Variants in VNN2 observed in about 807,000 individuals in gnomAD.
VNN2 encodes pantetheine hydrolase VNN2.
Under a neutral mutation model 43.0 loss-of-function variants are expected in VNN2, and 43 were observed. That is an observed-to-expected ratio of 1.00 (90% CI 0.78 to 1.29). The LOEUF (loss-of-function observed/expected upper bound fraction) is 1.29. Ranked by LOEUF, VNN2 falls within the 50% of genes most tolerant of loss-of-function variation. VNN2 has a pLI of 0.00. For synonymous variants in VNN2, 230 were observed against 224.3 expected, an observed-to-expected ratio of 1.03 and a Z score of -0.23; for missense variants, 652 against 619.7, an observed-to-expected ratio of 1.05 and a Z score of -0.55.
chr6:132,752,645 T>C lies in VNN2; in HGVS notation c.642A>G (p.Ile214Met), dbSNP rs1482117691. ...GGGTAACACCAGGATCATAGAAGAA[T>C]ATATCAAAGCACGTGAAAATGCCAA... ...GRFGIFTCFD[I>M]FFYDPGVTLV... The change falls in exon 4 of 7, where the codon ATA becomes ATG. Residue 214 changes from isoleucine (I) to methionine (M), a missense_variant. By Grantham distance (10) the Ile-to-Met change is conservative (BLOSUM62 1). Coordinates refer to ENST00000326499, the MANE Select transcript of VNN2 (RefSeq NM_004665.6). 4 of 1,614,060 alleles carry C rather than the reference T, an allele frequency of 2.5e-6. No homozygotes were observed. The highest frequency in any genetic ancestry group is 3.4e-6 in the Non-Finnish European group (4 of 1,180,030).
In VNN2 at chr6:132,749,709, G is replaced by A. The variant is rs1165885076; in HGVS notation, c.1357C>T (p.Pro453Ser). The change falls in exon 6 of 7, where the codon CCT (proline) becomes TCT (serine). Residue 453 changes from proline (P) to serine (S), a missense_variant. Physicochemically the swap from Pro to Ser is moderately conservative, Grantham distance 74. Coordinates refer to ENST00000326499, the MANE Select transcript of VNN2 (RefSeq NM_004665.6). ...AGTCCTCTTACCTCAAATTTTCCAGGTGACAGATGAATTTCGGTAAGTAGC... is the reference window on the plus strand; with the variant it reads ...AGTCCTCTTACCTCAAATTTTCCAGATGACAGATGAATTTCGGTAAGTAGC... ...EVLLTEIHLSPGKFEVLKDGR... is the reference protein window; with the variant it reads ...EVLLTEIHLSSGKFEVLKDGR... The A allele has an allele frequency of 1.9e-6, 3 of 1,611,500 alleles. No homozygotes were observed. The African/African-American group carries it at 4.0e-5, about 22-fold the overall frequency.
intron 6 of VNN2, among the ~76,000 whole-genome samples, chr6:132,745,035 A>G (rs1779636892): frequency 6.6e-6 from 1 of 152,218 alleles, no homozygotes; most frequent in Non-Finnish European, 1.5e-5. Context: ...GGAAGTGGAC[A>G]TTGAACCAGC....
chr6:132,750,493 A>AAG (rs1554217675), intron 5 of VNN2, among the ~76,000 whole-genome samples: 2 of 103,798 alleles, frequency 1.9e-5, no homozygotes, highest in African/African-American at 1.2e-4. Context: ...TATTTTGTAT[A>AAG]TGTGTATATA....
In VNN2 at chr6:132,757,811, T is replaced by C. The variant is rs758394626; in HGVS notation, c.73A>G (p.Ser25Gly). Residue 25 changes from serine (S) to glycine (G), a missense_variant, in exon 1 of 7, where the codon AGT (serine) becomes GGT (glycine). By Grantham distance (56) the Ser-to-Gly change is moderately conservative (BLOSUM62 0). Transcript: ENST00000326499. ...TGTTCATACACTGCAGCTATAAAAC[T>C]GTCCTGAGTACCAACCTGCAGGGTT... ...LITLQVGTQDSFIAAVYEHAV... is the reference protein window; with the variant it reads ...LITLQVGTQDGFIAAVYEHAV... 6.2e-7 allele frequency: 1 copy of C among 1,614,164 alleles called. No individual in the cohort carries two copies. The highest frequency in any genetic ancestry group is 1.1e-5 in the South Asian group (1 of 91,084).
chr6:132,754,945 G>GGGA (rs1413142386), intron 3 of VNN2, among the ~76,000 whole-genome samples: 7 of 152,298 alleles, frequency 4.6e-5, no homozygotes, highest in Admixed American at 3.9e-4. Flanking sequence ...AGGCCAAGGT[G>GGGA]GGAGGACTGC....
intron 6 of VNN2, among the ~76,000 whole-genome samples, chr6:132,748,410 T>C (rs1269937085): frequency 2.6e-5 from 4 of 152,238 alleles, no homozygotes; most frequent in Non-Finnish European, 4.4e-5. Context: ...AAATTGTTGG[T>C]TTCATAGAAT....
upstream of VNN2, among the ~76,000 whole-genome samples, chr6:132,758,853 C>T (rs34767398): frequency 4.4e-3 from 667 of 152,268 alleles, 15 homozygotes; most frequent in Admixed American, 0.034. Context: ...TACCCCGAGG[C>T]ACCTAGGCCA....
upstream of VNN2, among the ~76,000 whole-genome samples, chr6:132,761,167 G>T (rs1330009187): frequency 2.0e-5 from 3 of 152,242 alleles, no homozygotes; most frequent in African/African-American, 7.2e-5. Flanking sequence ...ATCAGGTAAA[G>T]ATTAAAATTT....
chr6:132,758,017 T>C, upstream of VNN2: 2 of 222,976 alleles, frequency 9.0e-6, 1 homozygote, highest in East Asian at 1.1e-4. Flanking sequence ...TTCTTCTTCT[T>C]CTTCTTCTTC....
rs1344658646 is a variant in VNN2 at position 132,749,742 on chromosome 6, GA to G, written c.1323del (p.Pro442LeufsTer18). ...LSGTFGTEYV[F>X]PEVLLTEIHL... ...TGAATTTCGGTAAGTAGCACTTCAG[GA>G]AAAACATACTCTGTTCCAAATGTGC... On this transcript the variant is annotated frameshift_variant, in exon 6 of 7. Coordinates refer to ENST00000326499, the MANE Select transcript of VNN2 (RefSeq NM_004665.6). LOFTEE classifies it low-confidence loss of function (END_TRUNC). The G allele has an allele frequency of 6.2e-7, 1 of 1,613,580 alleles. No individual in the cohort carries two copies. Among genetic ancestry groups the G allele is most frequent in the African/African-American group, 1.3e-5 (1 of 74,872 alleles).
intron 3 of VNN2, chr6:132,753,009 C>CA (rs1228852814): frequency 1.0e-5 from 4 of 394,820 alleles, no homozygotes; most frequent in Non-Finnish European, 1.8e-5. Flanking sequence ...AAATACCCCC[C>CA]CATAAACCCC....
rs555715087 is a variant in VNN2 at position 132,744,727 on chromosome 6, C to CA, written c.1372-237dup. ...TCAAATGTAACCATTAATGGAAAGT[C>CA]AAAATCAGCAGCAGCAATTCATTGA... On this transcript the variant is annotated intron_variant, in intron 6 of 6. Transcript: ENST00000326499. 1.3e-4 allele frequency among the ~76,000 whole-genome samples: 20 copies of CA among 152,244 alleles called. No homozygotes were observed. The East Asian group carries it at 3.9e-3, about 29-fold the overall frequency.
At chr6:132,759,538 A>G (rs1164932709), upstream of VNN2, among the ~76,000 whole-genome samples, 2 of 151,762 alleles carry the variant, frequency 1.3e-5, no homozygotes, top group African/African-American at 4.8e-5. Flanking sequence ...CCCAGGCCCA[A>G]TCCTGCCAAA....
chr6:132,750,497 G>GTGTATGTATATATGTGTGTATATATATA lies in VNN2; in HGVS notation c.1201-633_1201-632insTATATATATACACACATATATACATACA. On this transcript the variant is annotated intron_variant, in intron 5 of 6. Transcript: ENST00000326499. ...TCTACTAAAAATATTTTGTATATGT[G>GTGTATGTATATATGTGTGTATATATATA]TATATATATATATATATTTTTCCAG... Among the ~76,000 whole-genome samples the GTGTATGTATATATGTGTGTATATATATA allele has an allele frequency of 8.7e-5, 9 of 103,678 alleles. 1 individual carries two copies. Among genetic ancestry groups the GTGTATGTATATATGTGTGTATATATATA allele is most frequent in the Non-Finnish European group, 1.6e-4 (8 of 49,904 alleles). The allele number at this position is 103,678 out of a possible 152,430, so 68.0% of individuals were successfully genotyped here. A position where few individuals can be genotyped will look rare whatever the true frequency, so the allele number is the denominator to read the frequency against.
At position 132,749,952 on chromosome 6, in the gene VNN2, G is replaced by A. The variant is rs776320845; in HGVS notation, c.1201-87C>T. On this transcript the variant is annotated intron_variant, in intron 5 of 6. Transcript: ENST00000326499. ...TGTTGCCTTAGTTTTTAACTACAGC[G>A]AAGCAAACATTATCTTTCTCTGAAA... The A allele has an allele frequency of 2.7e-5, 33 of 1,229,002 alleles. 1 individual carries two copies. The highest frequency in any genetic ancestry group is 3.9e-4 in the Middle Eastern group (2 of 5,096). The allele number at this position is 1,229,002 out of a possible 1,614,324, so 76.1% of individuals were successfully genotyped here.
chr6:132,744,120 CA>C lies in VNN2; in HGVS notation c.*179del, dbSNP rs1352180775. ...CCACACTGCAACATTTCAGAGTAGCCAAAAAAATGGACAACATTATCATAAT... is the reference window on the plus strand; with the variant it reads ...CCACACTGCAACATTTCAGAGTAGCCAAAAAATGGACAACATTATCATAAT... On this transcript the variant is annotated 3_prime_UTR_variant, in exon 7 of 7. Coordinates refer to ENST00000326499, the MANE Select transcript of VNN2 (RefSeq NM_004665.6). The C allele has an allele frequency of 3.5e-5, 18 of 518,046 alleles. No individual in the cohort carries two copies. The highest frequency in any genetic ancestry group is 6.9e-5 in the South Asian group (2 of 28,910). The allele number at this position is 518,046 out of a possible 1,614,324, so 32.1% of individuals were successfully genotyped here. A position where few individuals can be genotyped will look rare whatever the true frequency, so the allele number is the denominator to read the frequency against.
chr6:132,751,575 T>G (rs1029452584), intron 4 of VNN2, 57 bp from the exon 5 acceptor site: 2 of 1,542,550 alleles, frequency 1.3e-6, no homozygotes, highest in African/African-American at 2.8e-5. Flanking sequence ...AAACCAAAAC[T>G]GCCAATTTCC....
chr6:132,751,338 G>C lies in VNN2; in HGVS notation c.1007C>G (p.Thr336Ser), dbSNP rs781592634. Residue 336 changes from threonine (T) to serine (S), a missense_variant, in exon 5 of 7, where the codon ACT becomes AGT. Thr to Ser is a moderately conservative substitution (Grantham distance 58). Transcript: ENST00000326499. ...TIKPFPVQKNTFRGFISRDGF... is the reference protein window; with the variant it reads ...TIKPFPVQKNSFRGFISRDGF... ...ATCCCTGGAAATAAATCCCCTGAAA[G>C]TGTTTTTCTGTACTGGAAATGGTTT... The C allele has an allele frequency of 6.2e-7, 1 of 1,614,040 alleles. No individual in the cohort carries two copies. The highest frequency in any genetic ancestry group is 8.5e-7 in the Non-Finnish European group (1 of 1,180,022).
chr6:132,759,695 T>C (rs1481135430), upstream of VNN2, among the ~76,000 whole-genome samples: 2 of 152,184 alleles, frequency 1.3e-5, no homozygotes, highest in Non-Finnish European at 2.9e-5. Flanking sequence ...GAATGGGGCC[T>C]AGGGGCTATA....
Sources: allele counts gnomAD v4.1 joint callset (sites outside exome capture counted in the v4.1 genomes callset), GRCh38; gene constraint gnomAD v4.1.1; transcripts MANE v1.5; gene names NCBI Gene and HGNC (gene_info 2026-07-23, HGNC 2026-07-21).